The following RIMS2 variants were observed in gnomAD, a reference collection of about 807,000 sequenced individuals.
RIMS2 encodes the protein regulating synaptic membrane exocytosis protein 2.
Under a neutral mutation model 174.4 loss-of-function variants are expected in RIMS2, and 59 were observed. The ratio of observed to expected loss-of-function variants is 0.34; its 90% CI spans 0.27 to 0.42. The LOEUF (loss-of-function observed/expected upper bound fraction) is 0.42. RIMS2 is among the 10% of genes least tolerant of loss of function. RIMS2 has a pLI of 1.00. For missense variants in RIMS2, 1,620 were observed against 1,666.3 expected (o/e 0.97, Z 0.48); for synonymous variants, 606 against 572.5 (o/e 1.06, Z -0.84).
chr8:103,746,438 A>G (rs2097816608), intron 2 of RIMS2, among the ~76,000 whole-genome samples: 1 of 152,026 alleles, frequency 6.6e-6, no homozygotes, highest in Non-Finnish European at 1.5e-5. Context: ...GACTAGCTGT[A>G]TTTATTTTAT....
chr8:104,147,596 TTC>T lies in RIMS2; in HGVS notation c.3335-97318_3335-97317del, dbSNP rs527653523. ...AGATATTTCTGTTTCTTGATTTTTA[TTC>T]TTTTTTATTACTTTATGTATTAAAC... On this transcript the variant is annotated intron_variant, in intron 19 of 23. Transcript: ENST00000504942. Among the ~76,000 whole-genome samples the T allele has an allele frequency of 1.4e-3, 220 of 152,248 alleles. 1 individual carries two copies. The highest frequency in any genetic ancestry group is 5.2e-3 in the African/African-American group (216 of 41,574).
chr8:104,230,512 G>T (rs182318370), intron 19 of RIMS2, among the ~76,000 whole-genome samples: 63 of 151,912 alleles, frequency 4.1e-4, no homozygotes, highest in African/African-American at 1.5e-3. Context: ...TGGGCATGTT[G>T]TCAGGCTCCT....
intron 3 of RIMS2, among the ~76,000 whole-genome samples, chr8:103,884,038 T>C (rs1373966744): frequency 1.3e-5 from 2 of 151,848 alleles, no homozygotes; most frequent in African/African-American, 2.4e-5. Context: ...TTAAAACCCT[T>C]CCTACCTGGA....
intron 1 of RIMS2, among the ~76,000 whole-genome samples, chr8:103,682,570 C>G (rs2096893069): frequency 6.6e-6 from 1 of 151,990 alleles, no homozygotes; most frequent in Admixed American, 6.6e-5. Context: ...CATGAGGAAG[C>G]AGAGAATTTT....
At chr8:104,051,175 G>A (rs1375110165) in intron 19 of RIMS2, among the ~76,000 whole-genome samples, 2 of 151,934 alleles carry the variant, frequency 1.3e-5, no homozygotes, top group African/African-American at 4.8e-5. Context: ...GGAGTTGGAG[G>A]CTGCAGTGAG....
At chr8:103,984,699 T>C (rs2094205082) in intron 16 of RIMS2, among the ~76,000 whole-genome samples, 1 of 152,230 alleles carries the variant, frequency 6.6e-6, no homozygotes, top group Non-Finnish European at 1.5e-5. Flanking sequence ...CACTGGTGGG[T>C]ATATACCCAA....
At chr8:103,869,488 C>T (rs1189562266) in intron 3 of RIMS2, among the ~76,000 whole-genome samples, 3 of 152,018 alleles carry the variant, frequency 2.0e-5, no homozygotes, top group African/African-American at 4.8e-5. Context: ...CCCACCACCA[C>T]GCCCAGCTAA....
intron 19 of RIMS2, among the ~76,000 whole-genome samples, 162 bp downstream of exon 22, chr8:104,041,520 A>G (rs1007118946): frequency 1.8e-4 from 28 of 151,712 alleles, no homozygotes; most frequent in South Asian, 6.2e-4. Context: ...GTATTCAACT[A>G]TCAACAGCAA....
intron 19 of RIMS2, among the ~76,000 whole-genome samples, chr8:104,144,409 A>G (rs887932249): frequency 1.3e-5 from 2 of 152,196 alleles, no homozygotes; most frequent in Non-Finnish European, 2.9e-5. Context: ...CTAGAAATCC[A>G]TACTGTACCT....
At chr8:104,186,874 C>T (rs183748417) in intron 19 of RIMS2, among the ~76,000 whole-genome samples, 97 of 151,816 alleles carry the variant, frequency 6.4e-4, no homozygotes, top group Admixed American at 1.1e-3. Flanking sequence ...AAAGACCAGA[C>T]CTCTAGCATG....
At chr8:103,851,168 A>G (rs907159072) in intron 3 of RIMS2, among the ~76,000 whole-genome samples, 30 of 152,112 alleles carry the variant, frequency 2.0e-4, no homozygotes, top group African/African-American at 6.7e-4. Flanking sequence ...GAAGATCAAA[A>G]GGGAAATGAA....
chr8:104,035,146 G>A (rs1301787308), intron 19 of RIMS2, among the ~76,000 whole-genome samples: 1 of 152,056 alleles, frequency 6.6e-6, no homozygotes. Flanking sequence ...TATTTTCTGA[G>A]TGTAAGTTAT....
At chr8:103,720,370 T>A (rs375400614) in intron 2 of RIMS2, among the ~76,000 whole-genome samples, 1 of 152,236 alleles carries the variant, frequency 6.6e-6, no homozygotes. Flanking sequence ...ATTTTTCAAA[T>A]TACATCATTT....
downstream of RIMS2, chr8:104,254,359 C>T (rs372531775): frequency 4.6e-5 from 7 of 152,256 alleles, no homozygotes; most frequent in East Asian, 1.2e-3. Context: ...GTAATGAACA[C>T]CAACTAATGT....
intron 19 of RIMS2, among the ~76,000 whole-genome samples, chr8:104,153,707 A>C (rs2098704104): frequency 6.6e-6 from 1 of 152,184 alleles, no homozygotes; most frequent in Admixed American, 6.5e-5. Context: ...AAGAAAACTA[A>C]AGACTGAGCC....
chr8:104,120,544 C>T (rs2098357461), intron 19 of RIMS2, among the ~76,000 whole-genome samples: 1 of 151,952 alleles, frequency 6.6e-6, no homozygotes, highest in Admixed American at 6.6e-5. Flanking sequence ...GTGTGTATTG[C>T]CTTAGATTAA....
intron 19 of RIMS2, among the ~76,000 whole-genome samples, chr8:104,103,459 G>A (rs1291413268): frequency 6.6e-6 from 1 of 152,122 alleles, no homozygotes; most frequent in Non-Finnish European, 1.5e-5. Flanking sequence ...AGTCTATGTT[G>A]CTTCTTCTAT....
intron 19 of RIMS2, among the ~76,000 whole-genome samples, chr8:104,143,034 A>G (rs2098598729): frequency 6.6e-6 from 1 of 152,352 alleles, no homozygotes; most frequent in East Asian, 1.9e-4. Flanking sequence ...GTTTCTTGAC[A>G]TTAGAGTTGA....
At chr8:103,526,024 T>C (rs961678237) in intron 1 of RIMS2, among the ~76,000 whole-genome samples, 1 of 152,214 alleles carries the variant, frequency 6.6e-6, no homozygotes, top group African/African-American at 2.4e-5. Flanking sequence ...CTTTCTACTA[T>C]GGGAATCTCG....
Sources: allele counts gnomAD v4.1 joint callset (sites outside exome capture counted in the v4.1 genomes callset), GRCh38; gene constraint gnomAD v4.1.1; transcripts MANE v1.5; gene names NCBI Gene and HGNC (gene_info 2026-07-23, HGNC 2026-07-21).